CFLAR: variants seen among roughly 807,000 people sequenced by gnomAD.
CFLAR encodes the protein CASP8 and FADD like apoptosis regulator, also known as CASP8 and FADD-like apoptosis regulator.
In CFLAR, 14 loss-of-function variants were observed where a neutral mutation model predicts 51.1. The observed-to-expected ratio is 0.27, with a 90% CI of 0.18 to 0.43. The LOEUF (loss-of-function observed/expected upper bound fraction) is 0.43, where lower values mean the gene tolerates loss of function less well. Among genes scored for constraint, CFLAR ranks in the 20% least tolerant of loss-of-function variants. CFLAR has a pLI of 1.00. For missense variants in CFLAR, 390 were observed against 566.5 expected, an observed-to-expected ratio of 0.69 and a Z score of 3.16; for synonymous variants, 210 against 211.6, an observed-to-expected ratio of 0.99 and a Z score of 0.06.
chr2:201,160,066 AG>A (rs1942822781), intron 8 of CFLAR, among the ~76,000 whole-genome samples: 1 of 152,076 alleles, frequency 6.6e-6, no homozygotes, highest in South Asian at 2.1e-4. Flanking sequence ...TCCCAGAGTG[AG>A]CCACTCAGAA....
intron 8 of CFLAR, among the ~76,000 whole-genome samples, chr2:201,156,014 C>T (rs1467161457): frequency 6.6e-6 from 1 of 152,236 alleles, no homozygotes; most frequent in Non-Finnish European, 1.5e-5. Flanking sequence ...CTGCCTTGGC[C>T]TCCCAAAGCA....
intron 5 of CFLAR, among the ~76,000 whole-genome samples, chr2:201,144,910 T>G (rs1319091819): frequency 6.6e-6 from 1 of 152,264 alleles, no homozygotes; most frequent in Non-Finnish European, 1.5e-5. Context: ...TGGAGTGCAA[T>G]GGCACCATCT....
intron 8 of CFLAR, among the ~76,000 whole-genome samples, chr2:201,158,091 T>C (rs1354036977): frequency 6.6e-6 from 1 of 152,244 alleles, no homozygotes; most frequent in East Asian, 1.9e-4. Flanking sequence ...AGACCTCAGA[T>C]TCCCATTTCC....
Position 201,170,179 on chromosome 2 carries a change from C to A in CFLAR, c.*6206C>A, listed in dbSNP as rs943150122. The A allele has an allele frequency of 2.6e-5, 4 of 152,126 alleles. No individual in the cohort carries two copies. The highest frequency in any genetic ancestry group is 9.7e-5 in the African/African-American group (4 of 41,426). 9.4% of individuals were successfully genotyped at this position (152,126 alleles called of 1,614,324 possible). A position where few individuals can be genotyped will look rare whatever the true frequency, so the allele number is the denominator to read the frequency against. The stretch of plus-strand genomic sequence containing the variant: ...TTTTTGTTCATTGCAGCACTCTTCA[C>A]AATAGCAAAGACACAATAGCAAATG... On this transcript the variant is annotated 3_prime_UTR_variant, in exon 10 of 10. Transcript: ENST00000309955.
At chr2:201,141,293 C>A in intron 5 of CFLAR, 1 of 1,471,854 alleles carries the variant, frequency 6.8e-7, no homozygotes, top group Non-Finnish European at 9.0e-7. Flanking sequence ...CTAAAGGCAG[C>A]TGTTGTGAAC....
chr2:201,150,900 C>T (rs952571185), intron 8 of CFLAR, among the ~76,000 whole-genome samples: 2 of 152,078 alleles, frequency 1.3e-5, no homozygotes, highest in African/African-American at 4.8e-5. Flanking sequence ...ACATCATTTA[C>T]GGTAGTTGGT....
rs965088521 is a variant in CFLAR at position 201,172,077 on chromosome 2, T to G, written c.*8104T>G. On this transcript the variant is annotated 3_prime_UTR_variant, in exon 10 of 10. Transcript: ENST00000309955. ...AATCTCCTCCAAGCCTTCTTTTCAT[T>G]TTATATCTCATGCTGTAATTCTTGG... is the stretch of plus-strand genomic sequence containing the variant. 1 of 152,198 alleles carries G rather than the reference T, an allele frequency of 6.6e-6. No homozygotes were observed. The highest frequency in any genetic ancestry group is 1.5e-5 in the Non-Finnish European group (1 of 68,034). 9.4% of individuals were successfully genotyped at this position (152,198 alleles called of 1,614,324 possible).
Position 201,172,610 on chromosome 2 carries a change from T to G in CFLAR, c.*8637T>G, listed in dbSNP as rs910003915. On this transcript the variant is annotated 3_prime_UTR_variant, in exon 10 of 10. Coordinates refer to ENST00000309955, the MANE Select transcript of CFLAR (RefSeq NM_003879.7). ...AGCCTCTAGAAACAATAATCCATTT[T>G]CTGTCTCTATGATTTGCCTGTTCTA... is the stretch of plus-strand genomic sequence containing the variant. The G allele has an allele frequency of 1.4e-4, 21 of 152,208 alleles. No homozygotes were observed. Among genetic ancestry groups the G allele is most frequent in the African/African-American group, 5.1e-4 (21 of 41,446 alleles). The allele number at this position is 152,208 out of a possible 1,614,324, so 9.4% of individuals were successfully genotyped here.
At chr2:201,155,569 G>A (rs1457791486) in intron 8 of CFLAR, among the ~76,000 whole-genome samples, 1 of 152,018 alleles carries the variant, frequency 6.6e-6, no homozygotes, top group East Asian at 1.9e-4. Flanking sequence ...TGGCCAAGAG[G>A]AAGTATTTTT....
intron 5 of CFLAR, chr2:201,141,590 G>C (rs960019927): frequency 1.5e-6 from 2 of 1,297,984 alleles, no homozygotes; most frequent in African/African-American, 3.0e-5. Flanking sequence ...AAATATCCTT[G>C]TACTTCTTTG....
At position 201,138,945 on chromosome 2, in the gene CFLAR, G is replaced by C; in HGVS notation, c.524-1412G>C. 3 of 612,406 alleles carry C rather than the reference G, an allele frequency of 4.9e-6. No homozygotes were observed. Among genetic ancestry groups the C allele is most frequent in the Non-Finnish European group, 9.3e-6 (3 of 321,098 alleles). 37.9% of individuals were successfully genotyped at this position (612,406 alleles called of 1,614,324 possible). ...GCTATGAAGTCTATGAATCCTGGGA[G>C]AATCAAGAAGTCGTTGTAGGTGAGT... On this transcript the variant is annotated intron_variant, in intron 4 of 9. Transcript: ENST00000309955. This position sits in a 1 kb window ranked among gnomAD's most constrained non-coding sequence, Gnocchi z 4.0.
intron 8 of CFLAR, among the ~76,000 whole-genome samples, chr2:201,159,348 T>TCA (rs1245486710): frequency 2.0e-5 from 3 of 152,062 alleles, no homozygotes; most frequent in African/African-American, 7.2e-5. Context: ...CTCACTCTGT[T>TCA]GCCCAGGCTG....
intron 6 of CFLAR, chr2:201,148,781 C>A: frequency 2.2e-6 from 1 of 461,016 alleles, no homozygotes; most frequent in East Asian, 3.7e-5. Context: ...GTTTAAGCAG[C>A]TTTTCCAGAT....
In CFLAR at chr2:201,130,886, T is replaced by C. The variant is rs114707481; in HGVS notation, c.281+740T>C. 1.2e-3 allele frequency among the ~76,000 whole-genome samples: 184 copies of C among 152,324 alleles called. 1 individual carries two copies. Among genetic ancestry groups the C allele is most frequent in the African/African-American group, 4.0e-3 (168 of 41,570 alleles). On this transcript the variant is annotated intron_variant, in intron 2 of 9. Transcript: ENST00000309955. ...TAATTTGTGGTACAAAGAAAGGAAATAACAAGTCTGACAGTAATCTTCCTA... is the reference window on the plus strand; with the variant it reads ...TAATTTGTGGTACAAAGAAAGGAAACAACAAGTCTGACAGTAATCTTCCTA...
intron 1 of CFLAR, among the ~76,000 whole-genome samples, chr2:201,126,981 T>C (rs572120994): frequency 6.6e-6 from 1 of 152,278 alleles, no homozygotes; most frequent in African/African-American, 2.4e-5. Flanking sequence ...TCAGGGACAG[T>C]TTGTACCAGG....
intron 2 of CFLAR, among the ~76,000 whole-genome samples, chr2:201,132,614 T>C (rs373585725): frequency 6.6e-6 from 1 of 152,230 alleles, no homozygotes. Context: ...ATTCAAAATA[T>C]GGTCCTTGAA....
chr2:201,145,967 T>A (rs2125824189), intron 6 of CFLAR, among the ~76,000 whole-genome samples: 1 of 151,970 alleles, frequency 6.6e-6, no homozygotes, highest in Non-Finnish European at 1.5e-5. Flanking sequence ...TTTAAAAGAT[T>A]ACTCTTTTTT....
In CFLAR at chr2:201,176,202, G is replaced by A. The variant is rs931917285; in HGVS notation, c.*12229G>A. 6 of 145,318 alleles carry A rather than the reference G, an allele frequency of 4.1e-5. No individual in the cohort carries two copies. Among genetic ancestry groups the A allele is most frequent in the Admixed American group, 7.5e-5 (1 of 13,408 alleles). 9.0% of individuals were successfully genotyped at this position (145,318 alleles called of 1,614,324 possible). A position where few individuals can be genotyped will look rare whatever the true frequency, so the allele number is the denominator to read the frequency against. ...GGGTTTTATATGCTGGCATACTTCC[G>A]GGATCTTGTGTTACTTTTCCCCACT... On this transcript the variant is annotated 3_prime_UTR_variant, in exon 10 of 10. Coordinates refer to ENST00000309955, the MANE Select transcript of CFLAR (RefSeq NM_003879.7).
chr2:201,141,719 C>G (rs1482782059), intron 5 of CFLAR: 2 of 935,022 alleles, frequency 2.1e-6, no homozygotes, highest in Admixed American at 9.4e-5. Flanking sequence ...CATATAGTCA[C>G]TTATGGTTGT....
Sources: allele counts gnomAD v4.1 joint callset (sites outside exome capture counted in the v4.1 genomes callset), GRCh38; gene constraint gnomAD v4.1.1; non-coding constraint Gnocchi (gnomAD v3.1); transcripts MANE v1.5; gene names NCBI Gene and HGNC (gene_info 2026-07-23, HGNC 2026-07-21).